Variants in ASB7 observed in about 807,000 individuals in gnomAD.
ASB7 encodes ankyrin repeat and SOCS box protein 7.
A neutral mutation model predicts 32.5 loss-of-function variants in ASB7; 4 were observed. That is an observed-to-expected ratio of 0.12 (90% confidence interval 0.06 to 0.28). ASB7 has a LOEUF of 0.28. Among genes scored for constraint, ASB7 ranks in the 10% least tolerant of loss-of-function variants. The pLI is 1.00. For synonymous variants in ASB7, 172 were observed against 155.6 expected, an observed-to-expected ratio of 1.11 and a Z score of -0.78; for missense variants, 181 against 407.1, an observed-to-expected ratio of 0.44 and a Z score of 4.78.
intron 4 of ASB7, among the ~76,000 whole-genome samples, chr15:100,619,912 A>T (rs965027723): frequency 1.3e-5 from 2 of 152,228 alleles, no homozygotes; most frequent in Non-Finnish European, 2.9e-5. Flanking sequence ...AAAGGGTAAC[A>T]GTGTGGCTCT....
chr15:100,611,508 T>C (rs1396529107), intron 3 of ASB7, among the ~76,000 whole-genome samples: 1 of 132,890 alleles, frequency 7.5e-6, no homozygotes, highest in Non-Finnish European at 1.7e-5. Context: ...GAGACAGAAT[T>C]TCACTCTCTT....
At chr15:100,625,455 C>T (rs2039829679) in intron 4 of ASB7, among the ~76,000 whole-genome samples, 5 of 152,006 alleles carry the variant, frequency 3.3e-5, no homozygotes, top group Admixed American at 3.3e-4. Context: ...GGAATTTTAG[C>T]TCATTATAAT....
chr15:100,632,426 T>G (rs1305785196), intron 5 of ASB7, among the ~76,000 whole-genome samples: 1 of 152,236 alleles, frequency 6.6e-6, no homozygotes, highest in African/African-American at 2.4e-5. Context: ...GTGTTTCTGC[T>G]TCACCTGTGT....
chr15:100,614,132 G>A (rs1444730451), intron 4 of ASB7, among the ~76,000 whole-genome samples: 1 of 152,102 alleles, frequency 6.6e-6, no homozygotes, highest in Admixed American at 6.5e-5. Context: ...AATTAGTTGG[G>A]CATAGTGGCC....
At chr15:100,604,000 T>TTA (rs2039610091) in intron 2 of ASB7, among the ~76,000 whole-genome samples, 1 of 152,230 alleles carries the variant, frequency 6.6e-6, no homozygotes, top group African/African-American at 2.4e-5. Flanking sequence ...GCTTTGAAAC[T>TTA]TATAAAGATA....
chr15:100,617,031 G>T (rs989668602), intron 4 of ASB7, among the ~76,000 whole-genome samples: 1 of 152,074 alleles, frequency 6.6e-6, no homozygotes, highest in Non-Finnish European at 1.5e-5. Context: ...AACCATCCTT[G>T]GTACCTTTTC....
intron 4 of ASB7, among the ~76,000 whole-genome samples, chr15:100,616,673 G>A (rs1308979623): frequency 6.6e-6 from 1 of 152,194 alleles, no homozygotes; most frequent in East Asian, 1.9e-4. Flanking sequence ...GATAAGCCCT[G>A]TATTTGTTTT....
intron 5 of ASB7, chr15:100,646,241 T>C (rs774767502): frequency 7.5e-6 from 3 of 401,494 alleles, no homozygotes; most frequent in South Asian, 2.2e-5. Context: ...ACAATATCCA[T>C]GTGTCCCACA....
At chr15:100,625,208 G>A (rs777772992) in intron 4 of ASB7, among the ~76,000 whole-genome samples, 3 of 152,134 alleles carry the variant, frequency 2.0e-5, no homozygotes, top group Non-Finnish European at 4.4e-5. Context: ...ACTTTATTCA[G>A]CATCCTACTG....
chr15:100,631,331 T>A (rs1194008171), intron 5 of ASB7, among the ~76,000 whole-genome samples: 1 of 152,184 alleles, frequency 6.6e-6, no homozygotes, highest in Non-Finnish European at 1.5e-5. Context: ...GCGATTTAAG[T>A]TTAAATGGCC....
At chr15:100,622,226 A>G (rs888777806) in intron 4 of ASB7, among the ~76,000 whole-genome samples, 1 of 152,210 alleles carries the variant, frequency 6.6e-6, no homozygotes, top group Non-Finnish European at 1.5e-5. Context: ...AAAAAACCCA[A>G]CAACCTAGGA....
intron 4 of ASB7, among the ~76,000 whole-genome samples, chr15:100,618,576 A>G (rs1044919291): frequency 1.1e-4 from 17 of 150,798 alleles, no homozygotes; most frequent in Non-Finnish European, 2.2e-4. Context: ...TTGACTTTTC[A>G]CTCTCTCTTT....
chr15:100,637,329 A>G (rs1183013841), intron 5 of ASB7, among the ~76,000 whole-genome samples: 1 of 152,252 alleles, frequency 6.6e-6, no homozygotes, highest in Admixed American at 6.5e-5. Context: ...AAGGAAAACA[A>G]CTGACAGGAC....
chr15:100,603,716 T>C (rs1162393367), intron 2 of ASB7, among the ~76,000 whole-genome samples: 3 of 152,212 alleles, frequency 2.0e-5, no homozygotes, highest in Non-Finnish European at 4.4e-5. Context: ...AATTTACTGT[T>C]TTCCCCCTTA....
At chr15:100,610,405 GA>G (rs1247187388) in intron 3 of ASB7, among the ~76,000 whole-genome samples, 1 of 151,792 alleles carries the variant, frequency 6.6e-6, no homozygotes, top group Non-Finnish European at 1.5e-5. Flanking sequence ...TGAGGCAGGA[GA>G]AAGGTGTGAA....
In ASB7 at chr15:100,634,473, C is replaced by G. The variant is rs181138071; in HGVS notation, c.817+4431C>G. On this transcript the variant is annotated intron_variant, in intron 5 of 5. Coordinates refer to ENST00000332783, the MANE Select transcript of ASB7 (RefSeq NM_198243.3). ...CTGGCAAGGTAAGTACTGTTCTCAC[C>G]GAGCCACTTCTGCAGGTGAAAGGAA... 8.5e-5 allele frequency among the ~76,000 whole-genome samples: 13 copies of G among 152,170 alleles called. No individual in the cohort carries two copies. In the East Asian group the frequency reaches 2.5e-3, roughly 29 times the overall value.
chr15:100,631,729 C>T (rs747776565), intron 5 of ASB7, among the ~76,000 whole-genome samples: 2 of 152,110 alleles, frequency 1.3e-5, no homozygotes, highest in Non-Finnish European at 2.9e-5. Flanking sequence ...TCTCTCTGTG[C>T]CTTAGTGTCC....
chr15:100,633,714 GAAAT>G (rs1446867230), intron 5 of ASB7, among the ~76,000 whole-genome samples: 1 of 152,070 alleles, frequency 6.6e-6, no homozygotes, highest in African/African-American at 2.4e-5. Flanking sequence ...AAAAAAAAGA[GAAAT>G]AAATGGTAGT....
chr15:100,646,019 C>G, intron 5 of ASB7: 1 of 446,238 alleles, frequency 2.2e-6, no homozygotes, highest in Middle Eastern at 7.0e-4. Context: ...TCTGTAGGGA[C>G]AGTAGACCAG....
Sources: allele counts gnomAD v4.1 joint callset (sites outside exome capture counted in the v4.1 genomes callset), GRCh38; gene constraint gnomAD v4.1.1; transcripts MANE v1.5; gene names NCBI Gene and HGNC (gene_info 2026-07-23, HGNC 2026-07-21).